The following CTNNBL1 variants were observed in gnomAD, a reference collection of about 807,000 sequenced individuals.
The protein encoded by CTNNBL1 is catenin beta like 1, also known as beta-catenin-like protein 1.
Under a neutral mutation model 72.7 loss-of-function variants are expected in CTNNBL1, and 31 were observed. That is an observed-to-expected ratio of 0.43 (90% CI 0.32 to 0.58). The LOEUF is 0.58. Among genes scored for constraint, CTNNBL1 ranks in the 20% least tolerant of loss-of-function variants. CTNNBL1 has a pLI of 0.08. For missense variants in CTNNBL1, 534 were observed against 725.1 expected, an observed-to-expected ratio of 0.74 and a Z score of 3.03; for synonymous variants, 240 against 267.3, an observed-to-expected ratio of 0.90 and a Z score of 1.00.
intron 12 of CTNNBL1, among the ~76,000 whole-genome samples, chr20:37,841,145 G>A (rs1250401959): frequency 6.6e-6 from 1 of 152,210 alleles, no homozygotes. Context: ...TCCTTGTATA[G>A]TTATTATTTG....
intron 1 of CTNNBL1, among the ~76,000 whole-genome samples, chr20:37,694,460 C>T (rs185254672): frequency 9.9e-5 from 15 of 152,194 alleles, no homozygotes; most frequent in Non-Finnish European, 1.6e-4. Context: ...CTCTCATGTC[C>T]CCCCAGTCAT....
intron 1 of CTNNBL1, chr20:37,694,981 C>A (rs746898519): frequency 8.5e-5 from 13 of 152,178 alleles, no homozygotes; most frequent in Non-Finnish European, 1.9e-4. Flanking sequence ...TAGCCACTAG[C>A]CACATAGGCT....
At chr20:37,743,862 A>G (rs976968795) in intron 3 of CTNNBL1, among the ~76,000 whole-genome samples, 12 of 152,126 alleles carry the variant, frequency 7.9e-5, no homozygotes, top group African/African-American at 2.9e-4. Flanking sequence ...ATAAAAATAC[A>G]TCATAAAATA....
chr20:37,783,581 G>T (rs983345759), intron 10 of CTNNBL1, among the ~76,000 whole-genome samples: 5 of 152,006 alleles, frequency 3.3e-5, no homozygotes, highest in Non-Finnish European at 7.4e-5. Context: ...ATTTGCTTCA[G>T]ACTGTTTTAA....
chr20:37,766,467 G>T (rs1305004998), intron 6 of CTNNBL1, among the ~76,000 whole-genome samples: 4 of 152,192 alleles, frequency 2.6e-5, no homozygotes, highest in Non-Finnish European at 5.9e-5. Flanking sequence ...TGACAGGGCA[G>T]ACAGATAGGT....
chr20:37,838,177 C>A (rs1170959915), intron 11 of CTNNBL1, among the ~76,000 whole-genome samples: 4 of 152,214 alleles, frequency 2.6e-5, no homozygotes, highest in African/African-American at 9.6e-5. Context: ...ACGTTAGAAG[C>A]AGCATTTAGT....
intron 11 of CTNNBL1, among the ~76,000 whole-genome samples, chr20:37,831,803 C>T (rs1472058899): frequency 6.6e-6 from 1 of 152,158 alleles, no homozygotes; most frequent in Non-Finnish European, 1.5e-5. Context: ...AAAGGGAGGG[C>T]TGGTGACGTA....
intron 11 of CTNNBL1, 140 bp from the exon 12 acceptor site, chr20:37,839,962 A>G: frequency 3.4e-6 from 2 of 587,322 alleles, no homozygotes; most frequent in Non-Finnish European, 6.1e-6. Flanking sequence ...GACACAATTT[A>G]GGTTCTTGTC....
intron 1 of CTNNBL1, among the ~76,000 whole-genome samples, chr20:37,703,006 A>G (rs1191711615): frequency 6.6e-6 from 1 of 152,248 alleles, no homozygotes; most frequent in Non-Finnish European, 1.5e-5. Flanking sequence ...TTGGGTTCAC[A>G]ACTGATACTT....
chr20:37,868,953 C>G (rs1332473517), intron 15 of CTNNBL1, among the ~76,000 whole-genome samples: 1 of 152,174 alleles, frequency 6.6e-6, no homozygotes, highest in African/African-American at 2.4e-5. Context: ...GGTCATTTCT[C>G]TCTCTCCTGG....
chr20:37,845,686 C>G (rs2072341532), intron 13 of CTNNBL1, among the ~76,000 whole-genome samples: 2 of 152,210 alleles, frequency 1.3e-5, no homozygotes, highest in African/African-American at 4.8e-5. Context: ...CTCATGCCGT[C>G]TTCTCTCTGA....
At chr20:37,700,062 G>A (rs1476807954) in intron 1 of CTNNBL1, among the ~76,000 whole-genome samples, 3 of 152,172 alleles carry the variant, frequency 2.0e-5, no homozygotes, top group Admixed American at 2.0e-4. Context: ...GGGCTCCAGA[G>A]ATTTCAAGGG....
chr20:37,822,263 A>T (rs1392778847), intron 11 of CTNNBL1, among the ~76,000 whole-genome samples: 1 of 152,176 alleles, frequency 6.6e-6, no homozygotes, highest in East Asian at 1.9e-4. Context: ...AGAGAAGATG[A>T]CATGGCCAGG....
chr20:37,728,275 A>G (rs947081178), intron 1 of CTNNBL1, among the ~76,000 whole-genome samples: 20 of 152,204 alleles, frequency 1.3e-4, no homozygotes, highest in African/African-American at 4.3e-4. Context: ...ACAAATGAAT[A>G]ATTTTTTAAT....
At chr20:37,812,687 G>A (rs2072022684) in intron 11 of CTNNBL1, among the ~76,000 whole-genome samples, 1 of 152,198 alleles carries the variant, frequency 6.6e-6, no homozygotes, top group African/African-American at 2.4e-5. Flanking sequence ...GTCAGGCTTG[G>A]TGCTGTAGCT....
chr20:37,857,767 C>G (rs1453955133), intron 13 of CTNNBL1, among the ~76,000 whole-genome samples: 1 of 152,098 alleles, frequency 6.6e-6, no homozygotes, highest in Non-Finnish European at 1.5e-5. Flanking sequence ...CATAAAGCTA[C>G]CAACAGAATT....
At chr20:37,799,055 C>G (rs555163697) in intron 10 of CTNNBL1, among the ~76,000 whole-genome samples, 1 of 152,168 alleles carries the variant, frequency 6.6e-6, no homozygotes, top group Non-Finnish European at 1.5e-5. Context: ...GTTTACCTGG[C>G]TCCTCATATT....
intron 7 of CTNNBL1, among the ~76,000 whole-genome samples, chr20:37,770,353 C>T (rs544562160): frequency 1.3e-5 from 2 of 152,270 alleles, no homozygotes; most frequent in East Asian, 1.9e-4. Context: ...AGTAGAGCAC[C>T]GAGTTTTAAG....
At chr20:37,809,534 G>C (rs1280935980) in intron 11 of CTNNBL1, among the ~76,000 whole-genome samples, 2 of 152,164 alleles carry the variant, frequency 1.3e-5, no homozygotes, top group African/African-American at 4.8e-5. Context: ...TGGGTAATTG[G>C]CTAAACTGAG....
Sources: allele counts gnomAD v4.1 joint callset (sites outside exome capture counted in the v4.1 genomes callset), GRCh38; gene constraint gnomAD v4.1.1; transcripts MANE v1.5; gene names NCBI Gene and HGNC (gene_info 2026-07-23, HGNC 2026-07-21).